Variants in HSD17B11 observed in about 807,000 individuals in gnomAD.
The protein encoded by HSD17B11 is estradiol 17-beta-dehydrogenase 11.
Under a neutral mutation model 27.8 loss-of-function variants are expected in HSD17B11, and 22 were observed. The observed-to-expected ratio is 0.79, with a 90% confidence interval of 0.56 to 1.13. The LOEUF is 1.13. Ranked by LOEUF, HSD17B11 falls within the 50% of genes most tolerant of loss-of-function variation. The pLI, the probability that HSD17B11 is intolerant of heterozygous loss-of-function variation, is 0.00. For missense variants in HSD17B11, 314 were observed against 351.1 expected (o/e 0.89, Z 0.84); for synonymous variants, 117 against 132.8 (o/e 0.88, Z 0.82).
chr4:87,378,869 T>TATATATAA (rs1720013491), intron 2 of HSD17B11, among the ~76,000 whole-genome samples: 3 of 18,788 alleles, frequency 1.6e-4, no homozygotes, highest in African/African-American at 6.8e-4. Flanking sequence ...TATATATAAA[T>TATATATAA]ATATATATAT....
intron 4 of HSD17B11, among the ~76,000 whole-genome samples, chr4:87,363,239 G>A (rs527980028): frequency 6.6e-6 from 1 of 152,262 alleles, no homozygotes; most frequent in Non-Finnish European, 1.5e-5. Flanking sequence ...GCCAGCAAAA[G>A]GCTAAGAATT....
At chr4:87,373,271 C>A in intron 3 of HSD17B11, 1 of 157,138 alleles carries the variant, frequency 6.4e-6, no homozygotes, top group Non-Finnish European at 1.4e-5. Flanking sequence ...ACCCGGGAGG[C>A]AGAGGTTGCA....
At chr4:87,366,969 T>C (rs773578191) in intron 4 of HSD17B11, among the ~76,000 whole-genome samples, 5 of 152,218 alleles carry the variant, frequency 3.3e-5, no homozygotes, top group Non-Finnish European at 5.9e-5. Context: ...GATCTTTTAT[T>C]TTTCAAAGGA....
In HSD17B11 at chr4:87,378,873, TATATATAAATATATATATATAA is replaced by T. The variant is rs1326913855; in HGVS notation, c.318+3360_318+3381del. On this transcript the variant is annotated intron_variant, in intron 2 of 6. Transcript: ENST00000358290. ...ATATATATAAATATATATAAATATA[TATATATAAATATATATATATAA>T]ATATATATAAATATATATATATAAA... 5.5e-3 allele frequency among the ~76,000 whole-genome samples: 90 copies of T among 16,340 alleles called. 12 individuals are homozygous for T. In the Middle Eastern group the frequency reaches 0.075, roughly 14 times the overall value. 10.7% of individuals were successfully genotyped at this position (16,340 alleles called of 152,430 possible).
chr4:87,359,974 G>C (rs1735474975), intron 4 of HSD17B11, among the ~76,000 whole-genome samples: 1 of 152,114 alleles, frequency 6.6e-6, no homozygotes, highest in Non-Finnish European at 1.5e-5. Flanking sequence ...TACTCTAATA[G>C]ATAAATGGCT....
chr4:87,371,635 T>C (rs962119309), intron 4 of HSD17B11, among the ~76,000 whole-genome samples: 10 of 152,216 alleles, frequency 6.6e-5, no homozygotes, highest in Admixed American at 3.3e-4. Context: ...CTCAGTTTAA[T>C]TGCCCAATTG....
At chr4:87,375,673 G>T (rs111264133) in intron 2 of HSD17B11, among the ~76,000 whole-genome samples, 2 of 152,314 alleles carry the variant, frequency 1.3e-5, no homozygotes, top group Admixed American at 6.5e-5. Context: ...CCCGAGAGGC[G>T]GAAGTTGCGG....
At chr4:87,378,209 C>T (rs1735881990) in intron 2 of HSD17B11, among the ~76,000 whole-genome samples, 1 of 152,222 alleles carries the variant, frequency 6.6e-6, no homozygotes, top group Non-Finnish European at 1.5e-5. Flanking sequence ...CCCTGATCAA[C>T]ACCATTTATA....
At chr4:87,346,900 A>C (rs1285511907) in intron 5 of HSD17B11, among the ~76,000 whole-genome samples, 1 of 151,130 alleles carries the variant, frequency 6.6e-6, no homozygotes. Context: ...TTTTTAAAAA[A>C]TTTTAAAAAC....
chr4:87,338,883 A>G (rs1033276893), intron 6 of HSD17B11, among the ~76,000 whole-genome samples: 2 of 152,160 alleles, frequency 1.3e-5, no homozygotes, highest in Admixed American at 6.5e-5. Context: ...TCAGCCCTAT[A>G]AAGTCCAATT....
At chr4:87,362,226 T>C (rs1318311130) in intron 4 of HSD17B11, among the ~76,000 whole-genome samples, 1 of 152,214 alleles carries the variant, frequency 6.6e-6, no homozygotes, top group Non-Finnish European at 1.5e-5. Flanking sequence ...GAGTCCCTTC[T>C]AAGATTTAGG....
intron 6 of HSD17B11, among the ~76,000 whole-genome samples, chr4:87,340,021 T>C (rs1735135992): frequency 6.6e-6 from 1 of 152,118 alleles, no homozygotes; most frequent in Admixed American, 6.6e-5. Context: ...AAGAACCACA[T>C]TGGAAGAAGC....
intron 5 of HSD17B11, among the ~76,000 whole-genome samples, chr4:87,353,457 A>T (rs1735322547): frequency 6.6e-6 from 1 of 152,236 alleles, no homozygotes. Context: ...AAGTTTCTAT[A>T]TTAAAACCAA....
chr4:87,347,085 T>C (rs1735284580), intron 5 of HSD17B11, among the ~76,000 whole-genome samples: 1 of 146,458 alleles, frequency 6.8e-6, no homozygotes, highest in Admixed American at 6.8e-5. Context: ...GATTTTAGGG[T>C]TGTTTTTAGT....
chr4:87,340,726 T>C (rs1560757256), intron 5 of HSD17B11, 120 bp from the exon 6 acceptor site: 1 of 603,716 alleles, frequency 1.7e-6, no homozygotes. Context: ...TTGTAGTGTC[T>C]AGCCTAGTAT....
chr4:87,388,772 G>A (rs914364333), intron 1 of HSD17B11, among the ~76,000 whole-genome samples: 3 of 152,216 alleles, frequency 2.0e-5, no homozygotes, highest in Non-Finnish European at 4.4e-5. Context: ...GTGCCTAACA[G>A]ATAATAGGTG....
rs1735840413 is a variant in HSD17B11 at position 87,377,026 on chromosome 4, A to T, written c.319-2196T>A. ...GTTCCTGTAGTCCCAGCTACTCGGA[A>T]GGTTGAACTGGGAGGATTGCTTGCA... is the stretch of plus-strand genomic sequence containing the variant. On this transcript the variant is annotated intron_variant, in intron 2 of 6. Transcript: ENST00000358290. Among the ~76,000 whole-genome samples the T allele has an allele frequency of 2.0e-5, 3 of 152,194 alleles. No individual in the cohort carries two copies. In the South Asian group the frequency reaches 6.2e-4, roughly 32 times the overall value.
intron 4 of HSD17B11, among the ~76,000 whole-genome samples, chr4:87,370,773 G>A (rs1393531024): frequency 3.1e-5 from 2 of 65,144 alleles, no homozygotes; most frequent in African/African-American, 8.1e-5. Context: ...TTTTTTTTGA[G>A]ACGGAGTCTC....
chr4:87,379,108 C>T (rs1303802743), intron 2 of HSD17B11, among the ~76,000 whole-genome samples: 3 of 147,832 alleles, frequency 2.0e-5, no homozygotes, highest in Non-Finnish European at 4.5e-5. Flanking sequence ...CAGGCACCTG[C>T]CATCATGCCC....
Sources: gnomAD v4.1 joint callset for allele counts (sites outside exome capture counted in the v4.1 genomes callset) on GRCh38, gnomAD v4.1.1 for gene constraint, MANE v1.5 for transcripts, NCBI Gene and HGNC (gene_info 2026-07-23, HGNC 2026-07-21) for gene names.